EFHC1: variants seen among roughly 807,000 people sequenced by gnomAD.
EFHC1 encodes the protein EF-hand domain containing 1.
A neutral mutation model predicts 69.9 loss-of-function variants in EFHC1; 53 were observed. The ratio of observed to expected loss-of-function variants is 0.76; its 90% CI spans 0.61 to 0.95. The LOEUF (loss-of-function observed/expected upper bound fraction) is 0.95, where lower values mean the gene tolerates loss of function less well. EFHC1 is among the 40% of genes least tolerant of loss of function. The pLI is 0.00. For missense variants in EFHC1, 739 were observed against 798.7 expected (o/e 0.93, Z 0.90); for synonymous variants, 256 against 278.4 (o/e 0.92, Z 0.80).
intron 3 of EFHC1, among the ~76,000 whole-genome samples, chr6:52,444,898 G>A (rs1285894584): frequency 2.0e-5 from 3 of 152,098 alleles, no homozygotes; most frequent in African/African-American, 4.8e-5. Context: ...GGTAGAATTC[G>A]GGTGTGAATC....
At chr6:52,439,793 G>A (rs759894411) in intron 3 of EFHC1, among the ~76,000 whole-genome samples, 2 of 152,058 alleles carry the variant, frequency 1.3e-5, no homozygotes, top group African/African-American at 4.8e-5. Context: ...GAGAAAAATA[G>A]CTTCAAAAGT....
intron 9 of EFHC1, chr6:52,483,387 C>T (rs1441538972): frequency 1.3e-5 from 2 of 152,170 alleles, no homozygotes; most frequent in Admixed American, 6.5e-5. Context: ...ATTGGCTTTT[C>T]CCAAGAAAGA....
chr6:52,450,972 T>C (rs1360569287), intron 3 of EFHC1, among the ~76,000 whole-genome samples: 1 of 151,872 alleles, frequency 6.6e-6, no homozygotes, highest in Non-Finnish European at 1.5e-5. Context: ...CTAATTTTTG[T>C]ATTTTTTAGC....
At chr6:52,451,895 A>G (rs1030607604) in intron 3 of EFHC1, among the ~76,000 whole-genome samples, 3 of 152,018 alleles carry the variant, frequency 2.0e-5, no homozygotes, top group Non-Finnish European at 2.9e-5. Context: ...TTAATCATAT[A>G]CAGTATTTGT....
intron 2 of EFHC1, among the ~76,000 whole-genome samples, chr6:52,435,999 C>T (rs1001976375): frequency 7.2e-5 from 11 of 152,292 alleles, no homozygotes; most frequent in Middle Eastern, 6.8e-3. Flanking sequence ...GCCTCAGGCA[C>T]GCCACCTTAC....
At chr6:52,474,204 TA>T (rs1282142368) in intron 7 of EFHC1, among the ~76,000 whole-genome samples, 4 of 152,302 alleles carry the variant, frequency 2.6e-5, no homozygotes, top group Middle Eastern at 3.4e-3. Context: ...TAGTCCCAGT[TA>T]CCTGGGACAC....
chr6:52,493,524 TGCCTGTAGTCCCA>T lies in EFHC1; in HGVS notation c.*1187_*1199del, dbSNP rs1027664351. 11 of 412,494 alleles carry T rather than the reference TGCCTGTAGTCCCA, an allele frequency of 2.7e-5. No individual in the cohort carries two copies. The highest frequency in any genetic ancestry group is 1.0e-4 in the African/African-American group (5 of 47,636). 25.6% of individuals were successfully genotyped at this position (412,494 alleles called of 1,614,324 possible). Reference sequence around the variant, plus strand: ...AAAATTAGCCAGGTGTGGTGGCGTGTGCCTGTAGTCCCAGCCACTCGGGAGGCTTAAATGGGAG... The same window carrying T: ...AAAATTAGCCAGGTGTGGTGGCGTGTGCCACTCGGGAGGCTTAAATGGGAG... On this transcript the variant is annotated 3_prime_UTR_variant, in exon 11 of 11. Coordinates refer to ENST00000371068, the MANE Select transcript of EFHC1 (RefSeq NM_018100.4).
chr6:52,477,370 A>C (rs1465939165), intron 7 of EFHC1, among the ~76,000 whole-genome samples: 2 of 152,202 alleles, frequency 1.3e-5, no homozygotes, highest in African/African-American at 4.8e-5. Flanking sequence ...TATTACACAA[A>C]CAATCCCATG....
At chr6:52,426,885 C>T (rs1032769300) in intron 2 of EFHC1, among the ~76,000 whole-genome samples, 37 of 152,162 alleles carry the variant, frequency 2.4e-4, no homozygotes, top group African/African-American at 8.9e-4. Context: ...ATTCCTAGTC[C>T]TTATGCTTAT....
At chr6:52,464,269 T>C (rs889796955) in intron 5 of EFHC1, among the ~76,000 whole-genome samples, 1 of 152,332 alleles carries the variant, frequency 6.6e-6, no homozygotes, top group East Asian at 1.9e-4. Flanking sequence ...TGGATTATTG[T>C]CATCATCTCA....
In EFHC1 at chr6:52,479,760, G is replaced by C; in HGVS notation, c.1613G>C (p.Arg538Pro). 3 of 1,614,186 alleles carry C rather than the reference G, an allele frequency of 1.9e-6. No individual in the cohort carries two copies. ...LASIQNHVRK[R>P]EAPAPEAESK... is the part of the protein sequence containing the mutation. ...TCAATTCAGAACCATGTCCGAAAGC[G>C]AGAAGCGCCTGCTCCAGAAGCAGAA... is the stretch of plus-strand genomic sequence containing the variant. Residue 538 changes from arginine to proline, a missense_variant, in exon 9 of 11, where the codon CGA becomes CCA. Physicochemically the swap from Arg to Pro is moderately radical, Grantham distance 103. Coordinates refer to ENST00000371068, the MANE Select transcript of EFHC1 (RefSeq NM_018100.4).
Position 52,492,569 on chromosome 6 carries a change from T to C in EFHC1, c.*228T>C, listed in dbSNP as rs938289194. The C allele has an allele frequency of 7.5e-6, 5 of 664,418 alleles. No homozygotes were observed. Among genetic ancestry groups the C allele is most frequent in the African/African-American group, 7.1e-5 (4 of 56,302 alleles). 41.2% of individuals were successfully genotyped at this position (664,418 alleles called of 1,614,324 possible). On this transcript the variant is annotated 3_prime_UTR_variant, in exon 11 of 11. Coordinates refer to ENST00000371068, the MANE Select transcript of EFHC1 (RefSeq NM_018100.4). ...GCAATGTCTAATTTTGTGTGTCAAA[T>C]TGACTTGGCCACAGGGGGCCCAAAT...
chr6:52,421,892 A>G (rs900738519), intron 1 of EFHC1, among the ~76,000 whole-genome samples: 2 of 152,242 alleles, frequency 1.3e-5, no homozygotes, highest in African/African-American at 4.8e-5. Flanking sequence ...AGGGAATTAC[A>G]GAGGTGTGGA....
At chr6:52,470,207 A>G (rs1765405575) in intron 7 of EFHC1, among the ~76,000 whole-genome samples, 1 of 152,222 alleles carries the variant, frequency 6.6e-6, no homozygotes, top group South Asian at 2.1e-4. Context: ...GGTGAAGACA[A>G]CTGAATAATA....
At chr6:52,490,412 A>C in intron 10 of EFHC1, 62 bp downstream of exon 10, 5 of 1,399,364 alleles carry the variant, frequency 3.6e-6, no homozygotes, top group Non-Finnish European at 5.1e-6. Flanking sequence ...TTCTTTTCTA[A>C]AGGCAATTGT....
At chr6:52,442,166 C>A (rs1323039334) in intron 3 of EFHC1, among the ~76,000 whole-genome samples, 1 of 152,090 alleles carries the variant, frequency 6.6e-6, no homozygotes, top group Non-Finnish European at 1.5e-5. Context: ...AGAGGGCATC[C>A]TTTTCTTGTG....
chr6:52,453,330 G>C (rs1017712786), intron 4 of EFHC1: 10 of 1,287,224 alleles, frequency 7.8e-6, no homozygotes, highest in Non-Finnish European at 1.0e-5. Context: ...AGAATGTTCT[G>C]AGCATTTTCC....
chr6:52,438,679 G>A, intron 3 of EFHC1, 88 bp downstream of exon 3: 3 of 1,409,650 alleles, frequency 2.1e-6, no homozygotes, highest in Non-Finnish European at 3.0e-6. Context: ...GGTAAGGGGA[G>A]GACATTGGTA....
intron 3 of EFHC1, 141 bp from the exon 4 acceptor site, chr6:52,452,547 C>T: frequency 1.1e-6 from 1 of 896,912 alleles, no homozygotes; most frequent in East Asian, 2.6e-5. Context: ...AGGAGTCCTC[C>T]TACCTCAGCC....
Sources: gnomAD v4.1 joint callset for allele counts (sites outside exome capture counted in the v4.1 genomes callset) on GRCh38, gnomAD v4.1.1 for gene constraint, MANE v1.5 for transcripts, NCBI Gene and HGNC (gene_info 2026-07-23, HGNC 2026-07-21) for gene names.